KRT85: variants seen among roughly 807,000 people sequenced by gnomAD.
KRT85 encodes the protein keratin, type II cuticular Hb5.
A neutral mutation model predicts 53.7 loss-of-function variants in KRT85; 39 were observed. That is an observed-to-expected ratio of 0.73 (90% CI 0.56 to 0.95). The LOEUF is 0.95. Among genes scored for constraint, KRT85 ranks in the 40% least tolerant of loss-of-function variants. The pLI is 0.00. For missense variants in KRT85, 668 were observed against 686.0 expected (o/e 0.97, Z 0.29); for synonymous variants, 291 against 277.5 (o/e 1.05, Z -0.48).
intron 1 of KRT85, 136 bp from the exon 2 acceptor site, chr12:52,365,306 T>G: frequency 3.2e-6 from 3 of 928,134 alleles, no homozygotes; most frequent in Non-Finnish European, 3.4e-6. Context: ...AAGGGGCCCA[T>G]TCCCAGGCCC....
chr12:52,364,040 C>A (rs1305228244), intron 4 of KRT85, 28 bp downstream of exon 4: 28 of 1,577,350 alleles, frequency 1.8e-5, no homozygotes, highest in Non-Finnish European at 2.4e-5. Context: ...CTCCACCTGC[C>A]CTGGCTGGGT....
intron 1 of KRT85, 108 bp downstream of exon 1, chr12:52,366,878 C>T: frequency 6.3e-7 from 1 of 1,579,736 alleles, no homozygotes; most frequent in Non-Finnish European, 8.7e-7. Context: ...CACGTCATTC[C>T]CTCTGCTGCC....
At position 52,360,867 on chromosome 12, in the gene KRT85, C is replaced by T. The variant is rs377074561; in HGVS notation, c.1510G>A (p.Val504Ile). The T allele has an allele frequency of 1.8e-5, 29 of 1,612,170 alleles. No individual in the cohort carries two copies. Among genetic ancestry groups the T allele is most frequent in the Non-Finnish European group, 2.4e-5 (28 of 1,180,032 alleles). ...SSFSCGSSRS[V>I]RFA ...CCATGACTCTACTAGGCAAAGCGGA[C>T]CGACCGGCTACTCCCGCAGCTGAAG... Residue 504 changes from valine to isoleucine, a missense_variant, in exon 9 of 9, where the codon GTC (valine) becomes ATC (isoleucine). This residue lies in a region of KRT85 where 488 missense variants were observed against 498.1 expected (regional missense o/e 0.98). Transcript: ENST00000257901.
intron 8 of KRT85, 140 bp downstream of exon 8, chr12:52,361,327 C>T: frequency 1.2e-6 from 1 of 840,418 alleles, no homozygotes. Flanking sequence ...TTCTCTAACA[C>T]CTGTCATGGC....
At chr12:52,366,932 C>T in intron 1 of KRT85, 54 bp downstream of exon 1, 7 of 1,613,858 alleles carry the variant, frequency 4.3e-6, no homozygotes, top group Non-Finnish European at 5.9e-6. Flanking sequence ...CTGGGACCTC[C>T]CCAAGGGAGG....
chr12:52,363,238 C>T lies in KRT85; in HGVS notation c.951+8G>A, dbSNP rs1211399348. ...ATGCTTAGCAGGCAGGTGTCCTGTG[C>T]CACTCACCTTGCTACGGTACCAGGA... On this transcript the variant is annotated splice_region_variant and intron_variant, in intron 5 of 8. Transcript: ENST00000257901. The T allele has an allele frequency of 6.2e-7, 1 of 1,614,150 alleles. No individual in the cohort carries two copies. Among genetic ancestry groups the T allele is most frequent in the South Asian group, 1.1e-5 (1 of 91,082 alleles).
Position 52,360,726 on chromosome 12 carries a change from G to T in KRT85, c.*127C>A, listed in dbSNP as rs1939176818. The T allele has an allele frequency of 2.7e-6, 3 of 1,112,000 alleles. No homozygotes were observed. The Admixed American group carries it at 5.2e-5, about 19-fold the overall frequency. The allele number at this position is 1,112,000 out of a possible 1,614,324, so 68.9% of individuals were successfully genotyped here. On this transcript the variant is annotated 3_prime_UTR_variant, in exon 9 of 9. Coordinates refer to ENST00000257901, the MANE Select transcript of KRT85 (RefSeq NM_002283.4). Reference sequence around the variant, plus strand: ...GGCCCGAGGGTCTTTCCCTCTGTAGGTCTTTCCCTCTGTAGGAACATCCAG... The same window carrying T: ...GGCCCGAGGGTCTTTCCCTCTGTAGTTCTTTCCCTCTGTAGGAACATCCAG...
In KRT85 at chr12:52,362,390, C is replaced by T; in HGVS notation, c.1159G>A (p.Glu387Lys). The part of the protein sequence containing the change: ...ALSDARCKLA[E>K]LEGALQKAKQ... The stretch of plus-strand genomic sequence containing the variant: ...GCCTTCTGCAGGGCGCCCTCCAGCT[C>T]AGCCAGCTTGCAGCGGGCATCGCTG... The change falls in exon 7 of 9, where the codon GAG (glutamate) becomes AAG (lysine). Residue 387 changes from glutamate (E) to lysine (K), a missense_variant. Around this residue, in one of 3 missense-constraint regions of KRT85, gnomAD observed 488 missense variants for 498.1 expected, o/e 0.98. Coordinates refer to ENST00000257901, the MANE Select transcript of KRT85 (RefSeq NM_002283.4). The T allele has an allele frequency of 6.2e-7, 1 of 1,614,222 alleles. No homozygotes were observed. Among genetic ancestry groups the T allele is most frequent in the South Asian group, 1.1e-5 (1 of 91,086 alleles).
Position 52,366,991 on chromosome 12 carries a change from C to T in KRT85, c.415G>A (p.Asp139Asn). 1 of 1,613,994 alleles carries T rather than the reference C, an allele frequency of 6.2e-7. No individual in the cohort carries two copies. Among genetic ancestry groups the T allele is most frequent in the Non-Finnish European group, 8.5e-7 (1 of 1,179,880 alleles). The change falls in exon 1 of 9, where the codon GAC becomes AAC. Residue 139 changes from aspartate (D) to asparagine (N), a missense_variant. This residue lies in a region of KRT85 where 488 missense variants were observed against 498.1 expected (regional missense o/e 0.98). Coordinates refer to ENST00000257901, the MANE Select transcript of KRT85 (RefSeq NM_002283.4). The part of the protein sequence containing the change: ...SLNSRFAAFI[D>N]KVRFLEQQNK... Reference sequence around the variant, plus strand: ...CCGTCTCAGGCCTCACCCACCTTGTCGATGAAGGCCGCGAACCTGCTGTTG... The same window carrying T: ...CCGTCTCAGGCCTCACCCACCTTGTTGATGAAGGCCGCGAACCTGCTGTTG...
Position 52,363,392 on chromosome 12 carries a change from C to T in KRT85, c.805G>A (p.Ala269Thr). ...ATGACCGAGGTGTCTGAGATGTGGGCTTGGAGAACGCGGATCTCCTGTGGG... is the reference window on the plus strand; with the variant it reads ...ATGACCGAGGTGTCTGAGATGTGGGTTTGGAGAACGCGGATCTCCTGTGGG... The part of the protein sequence containing the change: ...LYEEEIRVLQ[A>T]HISDTSVIVK... The change falls in exon 5 of 9, where the codon GCC (alanine) becomes ACC (threonine). Residue 269 changes from alanine to threonine, a missense_variant. Ala to Thr is a moderately conservative substitution (Grantham distance 58). Transcript: ENST00000257901. The T allele has an allele frequency of 1.9e-6, 3 of 1,614,142 alleles. No homozygotes were observed. Among genetic ancestry groups the T allele is most frequent in the Non-Finnish European group, 2.5e-6 (3 of 1,180,026 alleles).
intron 1 of KRT85, among the ~76,000 whole-genome samples, chr12:52,366,550 G>A (rs1207738303): frequency 6.6e-6 from 1 of 152,172 alleles, no homozygotes; most frequent in Middle Eastern, 3.2e-3. Flanking sequence ...TCCAGCACCT[G>A]CTGCCCAGTC....
intron 4 of KRT85, 35 bp downstream of exon 4, chr12:52,364,033 C>T: frequency 6.5e-7 from 1 of 1,546,746 alleles, no homozygotes; most frequent in Non-Finnish European, 8.9e-7. Context: ...AACACCCCTC[C>T]ACCTGCCCTG....
At position 52,362,592 on chromosome 12, in the gene KRT85, G is replaced by A. The variant is rs575048654; in HGVS notation, c.1078-121C>T. 4.8e-4 allele frequency: 633 copies of A among 1,305,268 alleles called. 1 individual carries two copies. Among genetic ancestry groups the A allele is most frequent in the Non-Finnish European group, 6.0e-4 (557 of 924,814 alleles). 80.9% of individuals were successfully genotyped at this position (1,305,268 alleles called of 1,614,324 possible). A position where few individuals can be genotyped will look rare whatever the true frequency, so the allele number is the denominator to read the frequency against. On this transcript the variant is annotated intron_variant, in intron 6 of 8. Coordinates refer to ENST00000257901, the MANE Select transcript of KRT85 (RefSeq NM_002283.4). Reference sequence around the variant, plus strand: ...GGAGAGAAGGTTGGCCCGTGGCCAGGTAGTTAATGGGGCTGTGAATATGAG... The same window carrying A: ...GGAGAGAAGGTTGGCCCGTGGCCAGATAGTTAATGGGGCTGTGAATATGAG...
Position 52,363,308 on chromosome 12 carries a change from C to G in KRT85, c.889G>C (p.Ala297Pro). 6.2e-7 allele frequency: 1 copy of G among 1,614,196 alleles called. No individual in the cohort carries two copies. Among genetic ancestry groups the G allele is most frequent in the Non-Finnish European group, 8.5e-7 (1 of 1,180,036 alleles). ...CGGCTGGCAACATCGTCATACTGAGCCTTGATCTCAGCGATGATGCAGTCC... is the reference window on the plus strand; with the variant it reads ...CGGCTGGCAACATCGTCATACTGAGGCTTGATCTCAGCGATGATGCAGTCC... ...NMDCIIAEIK[A>P]QYDDVASRSR... Residue 297 changes from alanine to proline, a missense_variant, in exon 5 of 9, where the codon GCT becomes CCT. Around this residue, in one of 3 missense-constraint regions of KRT85, gnomAD observed 488 missense variants for 498.1 expected, o/e 0.98. Transcript: ENST00000257901.
In KRT85 at chr12:52,360,701, G is replaced by C. The variant is rs949564024; in HGVS notation, c.*152C>G. On this transcript the variant is annotated 3_prime_UTR_variant, in exon 9 of 9. Transcript: ENST00000257901. Reference sequence around the variant, plus strand: ...CTAGCATGAAAAGGCGCAGGGGAGCGGCCCGAGGGTCTTTCCCTCTGTAGG... The same window carrying C: ...CTAGCATGAAAAGGCGCAGGGGAGCCGCCCGAGGGTCTTTCCCTCTGTAGG... 4 of 837,580 alleles carry C rather than the reference G, an allele frequency of 4.8e-6. No individual in the cohort carries two copies. The African/African-American group carries it at 6.7e-5, about 14-fold the overall frequency. The allele number at this position is 837,580 out of a possible 1,614,324, so 51.9% of individuals were successfully genotyped here.
chr12:52,364,352 A>G lies in KRT85; in HGVS notation c.644T>C (p.Val215Ala). Residue 215 changes from valine to alanine, a missense_variant, in exon 3 of 9, where the codon GTG (valine) becomes GCG (alanine). Val to Ala is a moderately conservative substitution (Grantham distance 64, BLOSUM62 0). Coordinates refer to ENST00000257901, the MANE Select transcript of KRT85 (RefSeq NM_002283.4). ...ATTCTCTGCTGTGGCTCTCAGGGCC[A>G]CCTCCTCTTCATACCTGGGTGTGGG... ...EGYKKKYEEE[V>A]ALRATAENEF... 1 of 1,613,676 alleles carries G rather than the reference A, an allele frequency of 6.2e-7. No individual in the cohort carries two copies. Among genetic ancestry groups the G allele is most frequent in the East Asian group, 2.2e-5 (1 of 44,850 alleles).
rs765357815 is a variant in KRT85, at chr12:52,367,131, G to A, written c.275C>T (p.Pro92Leu). ...YRSGGVCGPSPPCITTVSVNE... is the reference protein window; with the variant it reads ...YRSGGVCGPSLPCITTVSVNE... The stretch of plus-strand genomic sequence containing the variant: ...GACCGACACGGTAGTGATGCATGGG[G>A]GGCTGGGTCCGCACACGCCCCCGGA... The change falls in exon 1 of 9, where the codon CCC (proline) becomes CTC (leucine). Residue 92 changes from proline to leucine, a missense_variant. Pro to Leu is a moderately conservative substitution (Grantham distance 98). Transcript: ENST00000257901. The A allele has an allele frequency of 6.2e-6, 10 of 1,613,332 alleles. No individual in the cohort carries two copies. Among genetic ancestry groups the A allele is most frequent in the African/African-American group, 1.3e-5 (1 of 74,908 alleles).
Position 52,360,950 on chromosome 12 carries a change from C to T in KRT85, c.1427G>A (p.Gly476Asp), listed in dbSNP as rs1939181429. The change falls in exon 9 of 9, where the codon GGC (glycine) becomes GAC (aspartate). Residue 476 changes from glycine to aspartate, a missense_variant. Physicochemically the swap from Gly to Asp is moderately conservative, Grantham distance 94. This residue lies in a region of KRT85 where 488 missense variants were observed against 498.1 expected (regional missense o/e 0.98). Transcript: ENST00000257901. ...QITSGPSAIG[G>D]SITVVAPDSC... is the part of the protein sequence containing the mutation. Reference sequence around the variant, plus strand: ...GTCAGGGGCCACCACCGTGATGCTGCCGCCTATGGCTGAGGGGCCAGAAGT... The same window carrying T: ...GTCAGGGGCCACCACCGTGATGCTGTCGCCTATGGCTGAGGGGCCAGAAGT... 1.9e-6 allele frequency: 3 copies of T among 1,613,262 alleles called. No individual in the cohort carries two copies. The highest frequency in any genetic ancestry group is 2.5e-6 in the Non-Finnish European group (3 of 1,179,970).
intron 1 of KRT85, among the ~76,000 whole-genome samples, chr12:52,365,883 G>T (rs78326880): frequency 1.3e-3 from 199 of 152,238 alleles, no homozygotes; most frequent in African/African-American, 4.6e-3. Flanking sequence ...CACCCCCTTA[G>T]CTCCAAGTTG....
Sources: gnomAD v4.1 joint callset for allele counts (sites outside exome capture counted in the v4.1 genomes callset) on GRCh38, gnomAD v4.1.1 for gene constraint, gnomAD v4.1.1 regional missense constraint, MANE v1.5 for transcripts, NCBI Gene and HGNC (gene_info 2026-07-23, HGNC 2026-07-21) for gene names.